Variants in NR6A1 observed in about 807,000 individuals in gnomAD.
NR6A1 encodes nuclear receptor subfamily 6 group A member 1.
NR6A1 carries 7 observed loss-of-function variants against 59.1 expected under a neutral mutation model. The ratio of observed to expected loss-of-function variants is 0.12; its 90% CI spans 0.07 to 0.22. The LOEUF is 0.22. Among genes scored for constraint, NR6A1 ranks in the 10% least tolerant of loss-of-function variants. The pLI is 1.00. For missense variants in NR6A1, 468 were observed against 611.6 expected, an observed-to-expected ratio of 0.77 and a Z score of 2.48; for synonymous variants, 243 against 236.1, an observed-to-expected ratio of 1.03 and a Z score of -0.27.
chr9:124,522,879 G>C, intron 9 of NR6A1, 86 bp from the exon 10 acceptor site: 1 of 1,016,788 alleles, frequency 9.8e-7, no homozygotes. Flanking sequence ...TGGAGGCAGA[G>C]TATCACCTTG....
intron 3 of NR6A1, among the ~76,000 whole-genome samples, chr9:124,551,544 G>C (rs929468001): frequency 6.6e-6 from 1 of 152,118 alleles, no homozygotes; most frequent in African/African-American, 2.4e-5. Context: ...TTACAAACTA[G>C]AGTGCTTTGT....
In NR6A1 at chr9:124,597,336, G is replaced by A. The variant is rs75827386; in HGVS notation, c.143-42766C>T. ...TCTTCTCAGTCCCTGTGGATTTAACGTAGTTCTTAAATGATTTTAGTAAAG... is the reference window on the plus strand; with the variant it reads ...TCTTCTCAGTCCCTGTGGATTTAACATAGTTCTTAAATGATTTTAGTAAAG... On this transcript the variant is annotated intron_variant, in intron 2 of 9. Coordinates refer to ENST00000487099, the MANE Select transcript of NR6A1 (RefSeq NM_033334.4). 9.1e-4 allele frequency among the ~76,000 whole-genome samples: 125 copies of A among 137,734 alleles called. 1 individual carries two copies. The South Asian group carries it at 0.02, about 22-fold the overall frequency. 90.4% of individuals were successfully genotyped at this position (137,734 alleles called of 152,430 possible).
At chr9:124,694,553 G>A (rs569942164) in intron 2 of NR6A1, among the ~76,000 whole-genome samples, 1 of 152,192 alleles carries the variant, frequency 6.6e-6, no homozygotes, top group Non-Finnish European at 1.5e-5. Context: ...AAACACCTAA[G>A]TGAGATAGAA....
intron 2 of NR6A1, among the ~76,000 whole-genome samples, chr9:124,620,496 AAAGG>A (rs1489764360): frequency 1.3e-5 from 2 of 152,238 alleles, no homozygotes; most frequent in African/African-American, 2.4e-5. Context: ...TTCAGCACAA[AAAGG>A]AACTGACTAC....
intron 7 of NR6A1, among the ~76,000 whole-genome samples, chr9:124,533,125 A>C (rs1833147410): frequency 6.6e-6 from 1 of 152,216 alleles, no homozygotes; most frequent in Non-Finnish European, 1.5e-5. Context: ...TTGGAAGTGG[A>C]GTCCAAAGGC....
intron 2 of NR6A1, among the ~76,000 whole-genome samples, chr9:124,682,471 G>A (rs1838196637): frequency 1.3e-5 from 2 of 152,202 alleles, no homozygotes; most frequent in Non-Finnish European, 2.9e-5. Flanking sequence ...GACATATGCA[G>A]ATATGAGAAT....
At chr9:124,616,164 G>A (rs529467629) in intron 2 of NR6A1, among the ~76,000 whole-genome samples, 1 of 151,892 alleles carries the variant, frequency 6.6e-6, no homozygotes, top group Non-Finnish European at 1.5e-5. Flanking sequence ...TTGGGAGGCC[G>A]AGGTGAGCAG....
intron 2 of NR6A1, among the ~76,000 whole-genome samples, chr9:124,724,308 TTTTC>T (rs1310763977): frequency 1.3e-5 from 2 of 152,174 alleles, no homozygotes; most frequent in Admixed American, 6.5e-5. Context: ...GATGCTTCTA[TTTTC>T]TTTTAGTGTT....
At chr9:124,686,890 A>G (rs2131008611) in intron 2 of NR6A1, among the ~76,000 whole-genome samples, 1 of 152,000 alleles carries the variant, frequency 6.6e-6, no homozygotes, top group South Asian at 2.1e-4. Flanking sequence ...TTTTGTAGAG[A>G]TGGGGTTCTT....
intron 2 of NR6A1, among the ~76,000 whole-genome samples, chr9:124,661,453 T>A (rs1306293167): frequency 6.6e-6 from 1 of 152,234 alleles, no homozygotes; most frequent in Non-Finnish European, 1.5e-5. Flanking sequence ...TAAATGGTTT[T>A]GCTCTTCTGC....
intron 1 of NR6A1, among the ~76,000 whole-genome samples, chr9:124,739,281 A>C: frequency 6.6e-6 from 1 of 152,188 alleles, no homozygotes; most frequent in Admixed American, 6.5e-5. Flanking sequence ...TAACTACTCC[A>C]AACCCATGTC....
chr9:124,567,025 G>C lies in NR6A1; in HGVS notation c.143-12455C>G, dbSNP rs187774186. 1.7e-4 allele frequency among the ~76,000 whole-genome samples: 25 copies of C among 150,926 alleles called. No individual in the cohort carries two copies. In the East Asian group the frequency reaches 4.3e-3, roughly 26 times the overall value. On this transcript the variant is annotated intron_variant, in intron 2 of 9. Transcript: ENST00000487099. ...TGGGAGGCTGAGGCAGGAGAATGGC[G>C]TGAACCCGGGAGGCGGAGCTTGCAG...
chr9:124,541,252 A>G (rs1468841974), intron 4 of NR6A1, among the ~76,000 whole-genome samples: 1 of 152,208 alleles, frequency 6.6e-6, no homozygotes, highest in African/African-American at 2.4e-5. Flanking sequence ...CATCCACAAC[A>G]TACAAGGAAC....
At chr9:124,681,796 A>G (rs559741357) in intron 2 of NR6A1, among the ~76,000 whole-genome samples, 1 of 152,332 alleles carries the variant, frequency 6.6e-6, no homozygotes, top group East Asian at 1.9e-4. Context: ...CAATATTTAG[A>G]AAATCCGCAT....
At chr9:124,537,910 C>G (rs953729061) in intron 6 of NR6A1, among the ~76,000 whole-genome samples, 182 bp downstream of exon 6, 54 of 152,096 alleles carry the variant, frequency 3.6e-4, no homozygotes, top group Non-Finnish European at 7.4e-4. Context: ...AGAAAGGATG[C>G]TTAAGGAAAA....
intron 1 of NR6A1, among the ~76,000 whole-genome samples, chr9:124,746,084 A>G (rs1019228442): frequency 2.0e-5 from 3 of 152,088 alleles, no homozygotes; most frequent in Admixed American, 1.3e-4. Context: ...AAAAACTACC[A>G]TTCTCTAAAT....
chr9:124,767,144 A>G (rs1840955524), intron 1 of NR6A1, among the ~76,000 whole-genome samples: 1 of 152,176 alleles, frequency 6.6e-6, no homozygotes. Flanking sequence ...CTAGGAAAAA[A>G]GTAGGGAATG....
At chr9:124,548,358 T>C (rs553266769) in intron 3 of NR6A1, among the ~76,000 whole-genome samples, 4 of 152,326 alleles carry the variant, frequency 2.6e-5, no homozygotes, top group Non-Finnish European at 5.9e-5. Context: ...TGCTCATGCC[T>C]ATAATCCCAG....
chr9:124,550,239 T>C (rs923533990), intron 3 of NR6A1, among the ~76,000 whole-genome samples: 2 of 152,210 alleles, frequency 1.3e-5, no homozygotes, highest in African/African-American at 4.8e-5. Context: ...ATAAACTTAC[T>C]ATTTTTCCCT....
Sources: allele counts gnomAD v4.1 joint callset (sites outside exome capture counted in the v4.1 genomes callset), GRCh38; gene constraint gnomAD v4.1.1; transcripts MANE v1.5; gene names NCBI Gene and HGNC (gene_info 2026-07-23, HGNC 2026-07-21).